MYO1D: variants seen among roughly 807,000 people sequenced by gnomAD.
The protein encoded by MYO1D is myosin ID, also known as unconventional myosin-Id.
MYO1D carries 83 observed loss-of-function variants against 122.0 expected under a neutral mutation model. The observed-to-expected ratio is 0.68, with a 90% CI of 0.57 to 0.82. The LOEUF is 0.82. MYO1D is among the 40% of genes least tolerant of loss of function. The pLI is 0.00. For synonymous variants in MYO1D, 464 were observed against 446.9 expected (o/e 1.04, Z -0.48); for missense variants, 1,157 against 1,269.5 (o/e 0.91, Z 1.35).
rs138400092 is a variant in MYO1D, at chr17:32,675,196, C to A, written c.2122-15858G>T. Among the ~76,000 whole-genome samples the A allele has an allele frequency of 5.4e-4, 82 of 152,196 alleles. No homozygotes were observed. In the East Asian group the frequency reaches 0.013, roughly 23 times the overall value. Reference sequence around the variant, plus strand: ...CATGGTTTATCATAACAGTGGGTATCAGAAATGATCACAGTAATGAGTAGC... The same window carrying A: ...CATGGTTTATCATAACAGTGGGTATAAGAAATGATCACAGTAATGAGTAGC... On this transcript the variant is annotated intron_variant, in intron 16 of 21. Transcript: ENST00000318217.
chr17:32,507,275 A>T (rs1909533256), intron 21 of MYO1D, among the ~76,000 whole-genome samples: 1 of 152,010 alleles, frequency 6.6e-6, no homozygotes, highest in South Asian at 2.1e-4. Flanking sequence ...GTGGTGGCAG[A>T]CGCCTATAGT....
intron 1 of MYO1D, among the ~76,000 whole-genome samples, chr17:32,874,312 CTCTT>C (rs1380175513): frequency 6.6e-6 from 1 of 151,440 alleles, no homozygotes; most frequent in Non-Finnish European, 1.5e-5. Context: ...CTCTCTCTCT[CTCTT>C]TGTGTCTCTG....
At chr17:32,795,053 G>C (rs1325251120) in intron 1 of MYO1D, among the ~76,000 whole-genome samples, 2 of 152,062 alleles carry the variant, frequency 1.3e-5, no homozygotes, top group South Asian at 2.1e-4. Context: ...AAAGAAGGAA[G>C]TGTCAGGGTA....
At chr17:32,778,918 T>C (rs2090207331) in intron 2 of MYO1D, among the ~76,000 whole-genome samples, 1 of 152,164 alleles carries the variant, frequency 6.6e-6, no homozygotes, top group Non-Finnish European at 1.5e-5. Context: ...TGAAATAAGG[T>C]AGTGAGTCAA....
chr17:32,587,281 GT>G (rs2087396976), intron 21 of MYO1D, among the ~76,000 whole-genome samples: 1 of 152,214 alleles, frequency 6.6e-6, no homozygotes, highest in Non-Finnish European at 1.5e-5. Flanking sequence ...GGAAGCTGAG[GT>G]GAGCGGAACA....
rs186043910 is a variant in MYO1D at position 32,677,837 on chromosome 17, T to C, written c.2122-18499A>G. ...AACAGTTATTTCTGTATGTGAACCA[T>C]GGAAATATTTTAGGATCATCAAAAT... On this transcript the variant is annotated intron_variant, in intron 16 of 21. Transcript: ENST00000318217. 3.9e-3 allele frequency among the ~76,000 whole-genome samples: 599 copies of C among 152,222 alleles called. 6 individuals carry two copies. Among genetic ancestry groups the C allele is most frequent in the Non-Finnish European group, 5.5e-3 (374 of 68,010 alleles).
rs192657075 is a variant in MYO1D at position 32,830,068 on chromosome 17, T to C, written c.95+46710A>G. Among the ~76,000 whole-genome samples the C allele has an allele frequency of 3.2e-4, 48 of 152,334 alleles. 1 individual carries two copies. The highest frequency in any genetic ancestry group is 6.8e-3 in the Middle Eastern group (2 of 294). ...AATAAAGTTAACTGATTACAATATA[T>C]ATTTTAGTTTCCATTAAATAAATTT... On this transcript the variant is annotated intron_variant, in intron 1 of 21. Coordinates refer to ENST00000318217, the MANE Select transcript of MYO1D (RefSeq NM_015194.3).
At chr17:32,510,944 T>G (rs1267640228) in intron 21 of MYO1D, 1 of 135,280 alleles carries the variant, frequency 7.4e-6, no homozygotes, top group Non-Finnish European at 1.6e-5. Context: ...CACAGCTCCC[T>G]CAAGTATGAG....
intron 1 of MYO1D, among the ~76,000 whole-genome samples, chr17:32,817,982 C>T (rs1349082345): frequency 7.4e-5 from 11 of 149,600 alleles, no homozygotes; most frequent in Admixed American, 2.7e-4. Flanking sequence ...AAAAATTAGC[C>T]GGGCGTAGTG....
chr17:32,524,528 GACC>G (rs1289998970), intron 21 of MYO1D, among the ~76,000 whole-genome samples: 2 of 151,350 alleles, frequency 1.3e-5, no homozygotes, highest in Non-Finnish European at 2.9e-5. Flanking sequence ...GAGTAGCTGG[GACC>G]ACACAGGTGG....
chr17:32,667,243 T>C (rs2088649646), intron 16 of MYO1D, among the ~76,000 whole-genome samples: 1 of 152,220 alleles, frequency 6.6e-6, no homozygotes, highest in Non-Finnish European at 1.5e-5. Flanking sequence ...GGTGTGGCTC[T>C]AAGAGCTATT....
intron 19 of MYO1D, among the ~76,000 whole-genome samples, chr17:32,649,227 G>A (rs750994270): frequency 6.6e-6 from 1 of 152,140 alleles, no homozygotes; most frequent in Non-Finnish European, 1.5e-5. Context: ...TCATTTTTAA[G>A]TGTATAGGTC....
intron 21 of MYO1D, among the ~76,000 whole-genome samples, chr17:32,585,170 C>CAG (rs1014237920): frequency 2.0e-5 from 3 of 151,922 alleles, no homozygotes; most frequent in African/African-American, 7.3e-5. Context: ...TTTTTTCTGA[C>CAG]AAAGAGTTCT....
chr17:32,525,538 C>A (rs1040838534), intron 21 of MYO1D, among the ~76,000 whole-genome samples: 2 of 151,594 alleles, frequency 1.3e-5, no homozygotes, highest in Non-Finnish European at 2.9e-5. Flanking sequence ...CATCTGATAA[C>A]CTGCTCCTCG....
intron 1 of MYO1D, among the ~76,000 whole-genome samples, chr17:32,788,183 C>T (rs151054614): frequency 6.6e-6 from 1 of 152,310 alleles, no homozygotes; most frequent in East Asian, 1.9e-4. Flanking sequence ...TACATTCTCA[C>T]TAGCAGTGTA....
chr17:32,563,364 T>G (rs2087144717), intron 21 of MYO1D, among the ~76,000 whole-genome samples: 1 of 151,856 alleles, frequency 6.6e-6, no homozygotes, highest in Admixed American at 6.6e-5. Context: ...CACGCACCAC[T>G]GTGCCCAGCT....
intron 15 of MYO1D, among the ~76,000 whole-genome samples, chr17:32,717,097 C>G (rs2089457337): frequency 6.6e-6 from 1 of 152,190 alleles, no homozygotes; most frequent in Admixed American, 6.5e-5. Flanking sequence ...CTCATCATCA[C>G]TGGATGAGCC....
intron 21 of MYO1D, among the ~76,000 whole-genome samples, chr17:32,583,681 A>G (rs1013268458): frequency 6.6e-6 from 1 of 151,582 alleles, no homozygotes; most frequent in African/African-American, 2.4e-5. Flanking sequence ...CTGTAGTTTA[A>G]TATCAGACAT....
intron 10 of MYO1D, chr17:32,759,767 T>G: frequency 4.4e-6 from 1 of 225,688 alleles, no homozygotes; most frequent in Non-Finnish European, 8.6e-6. Context: ...TTCCCAAAGA[T>G]TGATTAGAGT....
Sources: gnomAD v4.1 joint callset for allele counts (sites outside exome capture counted in the v4.1 genomes callset) on GRCh38, gnomAD v4.1.1 for gene constraint, MANE v1.5 for transcripts, NCBI Gene and HGNC (gene_info 2026-07-23, HGNC 2026-07-21) for gene names.